Variants in FGF1 observed in about 807,000 individuals in gnomAD.
FGF1 encodes the protein fibroblast growth factor 1, also known as beta-endothelial cell growth factor.
A neutral mutation model predicts 13.4 loss-of-function variants in FGF1; 9 were observed. The ratio of observed to expected loss-of-function variants is 0.67; its 90% confidence interval spans 0.40 to 1.17. The LOEUF (loss-of-function observed/expected upper bound fraction) is 1.17. Ranked by LOEUF, FGF1 falls within the 50% of genes most tolerant of loss-of-function variation. The probability of loss-of-function intolerance (pLI) is 0.01; values close to 1 mark genes in which losing one functional copy is unlikely to be tolerated. For missense variants in FGF1, 156 were observed against 192.7 expected (o/e 0.81, Z 1.13); for synonymous variants, 93 against 79.0 (o/e 1.18, Z -0.94).
intron 1 of FGF1, among the ~76,000 whole-genome samples, chr5:142,650,799 C>T (rs758049586): frequency 1.3e-5 from 2 of 152,108 alleles, no homozygotes; most frequent in African/African-American, 2.4e-5. Flanking sequence ...CCCCATTACT[C>T]TATTATTCTC....
At chr5:142,691,617 G>A (rs1752253065) in intron 2 of FGF1, among the ~76,000 whole-genome samples, 1 of 152,028 alleles carries the variant, frequency 6.6e-6, no homozygotes, top group South Asian at 2.1e-4. Context: ...GCTCGAGTGT[G>A]CACTGGAATC....
intron 1 of FGF1, among the ~76,000 whole-genome samples, chr5:142,616,124 G>GCTC (rs1340368512): frequency 1.3e-5 from 2 of 152,202 alleles, no homozygotes; most frequent in Non-Finnish European, 2.9e-5. Context: ...TAGCAGCTGT[G>GCTC]CGGAGCTGCT....
chr5:142,690,485 G>T (rs1031457517), upstream of FGF1, among the ~76,000 whole-genome samples: 7 of 152,150 alleles, frequency 4.6e-5, no homozygotes, highest in African/African-American at 1.4e-4. Context: ...TGAATGTATG[G>T]ATCCTTTCAG....
intron 1 of FGF1, among the ~76,000 whole-genome samples, chr5:142,650,937 A>G (rs1474832517): frequency 6.6e-6 from 1 of 152,252 alleles, no homozygotes; most frequent in Non-Finnish European, 1.5e-5. Flanking sequence ...TTAAGTAAAA[A>G]TATATAGTTT....
At chr5:142,614,279 C>T in intron 1 of FGF1, 118 bp from the exon 2 acceptor site, 2 of 745,720 alleles carry the variant, frequency 2.7e-6, no homozygotes, top group Admixed American at 2.8e-5. Context: ...TAAGCACAGC[C>T]TGCCCAGGTG....
chr5:142,648,689 CAA>C (rs11451715), intron 1 of FGF1, among the ~76,000 whole-genome samples: 1,437 of 66,268 alleles, frequency 0.022, 16 homozygotes, highest in African/African-American at 0.065. Flanking sequence ...CCCCACCAAC[CAA>C]AAAAAAAAAA....
chr5:142,674,199 T>A (rs140271791), intron 1 of FGF1, among the ~76,000 whole-genome samples: 2 of 152,328 alleles, frequency 1.3e-5, no homozygotes, highest in East Asian at 3.9e-4. Flanking sequence ...GGAGAAGACA[T>A]CTTATCACAA....
intron 1 of FGF1, among the ~76,000 whole-genome samples, chr5:142,668,796 T>C (rs1354493081): frequency 6.6e-6 from 1 of 152,236 alleles, no homozygotes; most frequent in African/African-American, 2.4e-5. Context: ...ATGAATGAGA[T>C]AAGCTTCCTG....
At chr5:142,695,597 A>G (rs911601084) in intron 2 of FGF1, among the ~76,000 whole-genome samples, 6 of 151,708 alleles carry the variant, frequency 4.0e-5, no homozygotes, top group African/African-American at 1.2e-4. Context: ...GAAAAAAAAA[A>G]AAAGAAAGAA....
intron 1 of FGF1, among the ~76,000 whole-genome samples, chr5:142,641,449 T>C (rs1457127044): frequency 6.6e-6 from 1 of 152,040 alleles, no homozygotes; most frequent in African/African-American, 2.4e-5. Flanking sequence ...TATATACAGC[T>C]AGAATGTATT....
At chr5:142,667,581 G>A (rs1440021535) in intron 1 of FGF1, among the ~76,000 whole-genome samples, 3 of 134,910 alleles carry the variant, frequency 2.2e-5, no homozygotes, top group South Asian at 2.4e-4. Context: ...GCGAGACTCC[G>A]TCTCAAAAAA....
intron 1 of FGF1, among the ~76,000 whole-genome samples, chr5:142,623,104 TCTC>T (rs1212834188): frequency 6.6e-6 from 1 of 152,162 alleles, no homozygotes; most frequent in African/African-American, 2.4e-5. Flanking sequence ...CTTTTAAAAT[TCTC>T]CTTTTTTTTC....
At chr5:142,682,501 T>C (rs920218655) in intron 1 of FGF1, among the ~76,000 whole-genome samples, 2 of 152,156 alleles carry the variant, frequency 1.3e-5, no homozygotes, top group African/African-American at 2.4e-5. Context: ...ATTCCTTCCA[T>C]AACAAGGCTG....
intron 1 of FGF1, among the ~76,000 whole-genome samples, chr5:142,642,597 T>C (rs781336826): frequency 6.6e-6 from 1 of 152,194 alleles, no homozygotes; most frequent in Admixed American, 6.5e-5. Context: ...ATGGGTGGCA[T>C]ACGGTATGCC....
intron 1 of FGF1, among the ~76,000 whole-genome samples, chr5:142,618,349 C>A (rs1760681240): frequency 6.6e-6 from 1 of 152,148 alleles, no homozygotes; most frequent in African/African-American, 2.4e-5. Context: ...ACCACTTTGG[C>A]TCTGGGAACC....
intron 3 of FGF1, among the ~76,000 whole-genome samples, chr5:142,597,918 C>A (rs545606002): frequency 2.0e-5 from 3 of 152,200 alleles, no homozygotes; most frequent in Non-Finnish European, 4.4e-5. Flanking sequence ...TCAGTAAAGT[C>A]AGCCTTTCTT....
chr5:142,692,943 T>C (rs1752477183), intron 2 of FGF1, among the ~76,000 whole-genome samples: 1 of 152,122 alleles, frequency 6.6e-6, no homozygotes, highest in Admixed American at 6.5e-5. Context: ...GAGGAAAACA[T>C]TAGTTAATAA....
intron 1 of FGF1, among the ~76,000 whole-genome samples, chr5:142,671,125 G>T (rs1467168076): frequency 6.6e-6 from 1 of 152,120 alleles, no homozygotes; most frequent in African/African-American, 2.4e-5. Context: ...CTTTGAACAG[G>T]CTCTGACAGT....
At chr5:142,601,052 T>C in intron 2 of FGF1, 2 of 604,428 alleles carry the variant, frequency 3.3e-6, no homozygotes, top group South Asian at 1.5e-5. Flanking sequence ...CACCTACCTG[T>C]CCACCCTGTT....
Sources: gnomAD v4.1 joint callset for allele counts (sites outside exome capture counted in the v4.1 genomes callset) on GRCh38, gnomAD v4.1.1 for gene constraint, MANE v1.5 for transcripts, NCBI Gene and HGNC (gene_info 2026-07-23, HGNC 2026-07-21) for gene names.